Variants in ADAM9 observed in about 807,000 individuals in gnomAD.
ADAM9 encodes the protein disintegrin and metalloproteinase domain-containing protein 9.
In ADAM9, 54 loss-of-function variants were observed where a neutral mutation model predicts 108.1. The ratio of observed to expected loss-of-function variants is 0.50; its 90% CI spans 0.40 to 0.63. The LOEUF (loss-of-function observed/expected upper bound fraction) is 0.63. Among genes scored for constraint, ADAM9 ranks in the 20% least tolerant of loss-of-function variants. ADAM9 has a pLI of 0.00. For synonymous variants in ADAM9, 316 were observed against 336.0 expected, an observed-to-expected ratio of 0.94 and a Z score of 0.65; for missense variants, 830 against 997.7, an observed-to-expected ratio of 0.83 and a Z score of 2.26.
rs1170624989 is a variant in ADAM9, at chr8:39,104,327, C to A, written c.*627C>A. ...TATACTAAAAGAGTGTGTGTGTATTCACGCAGTTACTCGCTTCCATTTTTA... is the reference window on the plus strand; with the variant it reads ...TATACTAAAAGAGTGTGTGTGTATTAACGCAGTTACTCGCTTCCATTTTTA... On this transcript the variant is annotated 3_prime_UTR_variant, in exon 22 of 22. Transcript: ENST00000487273. The A allele has an allele frequency of 2.2e-6, 1 of 451,984 alleles. No homozygotes were observed. The highest frequency in any genetic ancestry group is 2.0e-5 in the African/African-American group (1 of 49,914). 28.0% of individuals were successfully genotyped at this position (451,984 alleles called of 1,614,324 possible). A position where few individuals can be genotyped will look rare whatever the true frequency, so the allele number is the denominator to read the frequency against.
chr8:39,082,394 A>G (rs921030057), intron 16 of ADAM9, among the ~76,000 whole-genome samples: 1 of 152,104 alleles, frequency 6.6e-6, no homozygotes, highest in African/African-American at 2.4e-5. Context: ...GGAAGGATAG[A>G]TAATAGTTTT....
chr8:39,061,675 G>T (rs956953931), intron 14 of ADAM9, among the ~76,000 whole-genome samples: 1 of 151,710 alleles, frequency 6.6e-6, no homozygotes, highest in East Asian at 2.0e-4. Flanking sequence ...ATCTGATGAG[G>T]GTCGTTTTGC....
intron 18 of ADAM9, among the ~76,000 whole-genome samples, chr8:39,088,478 C>T (rs933323938): frequency 6.6e-6 from 1 of 151,840 alleles, no homozygotes; most frequent in Non-Finnish European, 1.5e-5. Flanking sequence ...AGGATGGTCT[C>T]GATCTCCTGA....
At chr8:39,023,042 G>T in intron 8 of ADAM9, 114 bp from the exon 9 acceptor site, 3 of 969,524 alleles carry the variant, frequency 3.1e-6, no homozygotes, top group Non-Finnish European at 4.6e-6. Context: ...AGGAAAGATA[G>T]TTTTTTTTAG....
intron 18 of ADAM9, among the ~76,000 whole-genome samples, chr8:39,086,483 T>C (rs767205285): frequency 1.3e-5 from 2 of 152,216 alleles, no homozygotes; most frequent in African/African-American, 2.4e-5. Context: ...GTTCCATTTG[T>C]TTCTTTTATA....
At chr8:39,033,981 A>G (rs1408628182) in intron 11 of ADAM9, among the ~76,000 whole-genome samples, 1 of 152,228 alleles carries the variant, frequency 6.6e-6, no homozygotes, top group African/African-American at 2.4e-5. Context: ...TCTATTGTGT[A>G]TCAGTTAAAA....
intron 1 of ADAM9, among the ~76,000 whole-genome samples, chr8:39,000,284 G>A (rs562046105): frequency 2.0e-5 from 3 of 152,168 alleles, no homozygotes; most frequent in African/African-American, 4.8e-5. Flanking sequence ...GAGCCACCGC[G>A]CCCCAGCCTC....
At chr8:39,036,104 T>C (rs1837266255) in intron 11 of ADAM9, among the ~76,000 whole-genome samples, 1 of 152,132 alleles carries the variant, frequency 6.6e-6, no homozygotes, top group Non-Finnish European at 1.5e-5. Context: ...TGGGAGCCAG[T>C]TCCATTTAAT....
chr8:39,042,816 C>G (rs903068557), intron 12 of ADAM9, among the ~76,000 whole-genome samples: 1 of 152,118 alleles, frequency 6.6e-6, no homozygotes, highest in Non-Finnish European at 1.5e-5. Flanking sequence ...ATGTCCAGTA[C>G]AGTATTGTTA....
chr8:39,047,161 G>A (rs1837802116), intron 12 of ADAM9, among the ~76,000 whole-genome samples: 1 of 152,200 alleles, frequency 6.6e-6, no homozygotes, highest in South Asian at 2.1e-4. Context: ...ACTAGGTCAT[G>A]TTGTATTTTA....
At chr8:39,082,610 T>C (rs767913624) in intron 16 of ADAM9, 31 bp from the exon 17 acceptor site, 10 of 1,570,364 alleles carry the variant, frequency 6.4e-6, no homozygotes, top group Admixed American at 3.3e-5. Flanking sequence ...GCTCAATCTT[T>C]CTTTACTTAG....
At position 39,082,977 on chromosome 8, in the gene ADAM9, A is replaced by G. The variant is rs1240256821; in HGVS notation, c.1972A>G (p.Ser658Gly). The G allele has an allele frequency of 6.2e-7, 1 of 1,613,120 alleles. No individual in the cohort carries two copies. The highest frequency in any genetic ancestry group is 1.3e-5 in the African/African-American group (1 of 74,922). ...KKCHGHGVCN[S>G]NKNCHCENGW... ...TTTGATTGTTTTGAAGGTATGTAAT[A>G]GCAATAAGAATTGTCACTGTGAAAA... The change falls in exon 18 of 22, where the codon AGC becomes GGC. Residue 658 changes from serine (S) to glycine (G), a missense_variant. Around this residue, in one of 3 missense-constraint regions of ADAM9, gnomAD observed 238 missense variants for 235.7 expected, o/e 1.01. Coordinates refer to ENST00000487273, the MANE Select transcript of ADAM9 (RefSeq NM_003816.3).
chr8:39,077,651 C>G (rs1234398975), intron 16 of ADAM9, among the ~76,000 whole-genome samples: 1 of 152,124 alleles, frequency 6.6e-6, no homozygotes, highest in Non-Finnish European at 1.5e-5. Flanking sequence ...GGTTCCCTCC[C>G]CTACTGATAT....
chr8:39,017,174 ATT>A (rs751278852), intron 5 of ADAM9, 43 bp from the exon 6 acceptor site: 2 of 1,603,372 alleles, frequency 1.2e-6, no homozygotes, highest in East Asian at 4.5e-5. Context: ...TTCCTTGTGT[ATT>A]TTCTTTTTCT....
intron 14 of ADAM9, among the ~76,000 whole-genome samples, chr8:39,060,331 C>T (rs776267023): frequency 2.0e-5 from 3 of 152,204 alleles, no homozygotes; most frequent in Non-Finnish European, 2.9e-5. Flanking sequence ...ATCAAGTGGG[C>T]TAAGCAGCAG....
Position 39,103,669 on chromosome 8 carries a change from C to G in ADAM9, c.2429C>G (p.Pro810Arg), listed in dbSNP as rs140544245. 1 of 1,614,138 alleles carries G rather than the reference C, an allele frequency of 6.2e-7. No individual in the cohort carries two copies. The highest frequency in any genetic ancestry group is 8.5e-7 in the Non-Finnish European group (1 of 1,179,998). The change falls in exon 22 of 22, where the codon CCT becomes CGT. Residue 810 changes from proline (P) to arginine (R), a missense_variant. Around this residue, in one of 3 missense-constraint regions of ADAM9, gnomAD observed 238 missense variants for 235.7 expected, o/e 1.01. Transcript: ENST00000487273. ...AACTTAATTCCTGCCCGTCCTGCTCCTGCACCTCCTTTATATAGTTCCCTC... is the reference window on the plus strand; with the variant it reads ...AACTTAATTCCTGCCCGTCCTGCTCGTGCACCTCCTTTATATAGTTCCCTC... The part of the protein sequence containing the change: ...QGNLIPARPA[P>R]APPLYSSLT
At chr8:39,025,047 T>C (rs1309728982) in intron 9 of ADAM9, among the ~76,000 whole-genome samples, 2 of 151,672 alleles carry the variant, frequency 1.3e-5, no homozygotes, top group African/African-American at 4.8e-5. Context: ...GAGGTACAGG[T>C]GTGTGGGGTG....
chr8:39,097,341 C>G (rs558914779), intron 20 of ADAM9, among the ~76,000 whole-genome samples: 10 of 150,154 alleles, frequency 6.7e-5, no homozygotes, highest in African/African-American at 2.4e-4. Context: ...GAGTCTTTCT[C>G]GGTTGCCCAG....
intron 14 of ADAM9, among the ~76,000 whole-genome samples, chr8:39,069,766 A>C (rs549315178): frequency 3.8e-4 from 58 of 152,320 alleles, no homozygotes; most frequent in African/African-American, 1.3e-3. Flanking sequence ...GACATATTGA[A>C]ATATTGAATA....
Sources: gnomAD v4.1 joint callset for allele counts (sites outside exome capture counted in the v4.1 genomes callset) on GRCh38, gnomAD v4.1.1 for gene constraint, gnomAD v4.1.1 regional missense constraint, MANE v1.5 for transcripts, NCBI Gene and HGNC (gene_info 2026-07-23, HGNC 2026-07-21) for gene names.